Variants in PCDHGA1 observed in about 807,000 individuals in gnomAD.
PCDHGA1 encodes protocadherin gamma subfamily A, 1.
Under a neutral mutation model 58.0 loss-of-function variants are expected in PCDHGA1, and 32 were observed. That is an observed-to-expected ratio of 0.55 (90% CI 0.42 to 0.74). The LOEUF is 0.74. Ranked by LOEUF, PCDHGA1 falls within the 30% of genes least tolerant of loss-of-function variation. PCDHGA1 has a pLI of 0.00. For missense variants in PCDHGA1, 1,205 were observed against 1,182.3 expected (o/e 1.02, Z -0.28); for synonymous variants, 498 against 501.1 (o/e 0.99, Z 0.08).
intron 1 of PCDHGA1, chr5:141,389,880 T>C: frequency 6.2e-7 from 1 of 1,614,080 alleles, no homozygotes; most frequent in Non-Finnish European, 8.5e-7. Flanking sequence ...CGCCGACAGC[T>C]TGCAGGAGGT....
At chr5:141,398,797 G>A (rs1338071296) in intron 1 of PCDHGA1, 2 of 1,613,898 alleles carry the variant, frequency 1.2e-6, no homozygotes, top group South Asian at 1.1e-5. Flanking sequence ...ACCCCTAAGC[G>A]GCACCACTGA....
Position 141,331,135 on chromosome 5 carries a change from A to G in PCDHGA1, c.451A>G (p.Arg151Gly), listed in dbSNP as rs951681369. 1 of 1,614,210 alleles carries G rather than the reference A, an allele frequency of 6.2e-7. No homozygotes were observed. Among genetic ancestry groups the G allele is most frequent in the East Asian group, 2.2e-5 (1 of 44,888 alleles). Reference protein sequence around the residue: ...KMNEITTPGTRVSLPFGQDLD... With the variant: ...KMNEITTPGTGVSLPFGQDLD... ...GAATGAAATAACGACTCCAGGTACC[A>G]GAGTCTCATTGCCTTTTGGGCAAGA... The change falls in exon 1 of 4, where the codon AGA becomes GGA. Residue 151 changes from arginine to glycine, a missense_variant. Transcript: ENST00000517417.
chr5:141,413,180 C>CCGCTCAAAGGAAT (rs760676891), intron 1 of PCDHGA1: 75 of 1,602,494 alleles, frequency 4.7e-5, no homozygotes, highest in Non-Finnish European at 6.1e-5. Flanking sequence ...ACTACAATGG[C>CCGCTCAAAGGAAT]CGCTCAAAGG....
chr5:141,372,316 G>T, intron 1 of PCDHGA1: 1 of 1,613,524 alleles, frequency 6.2e-7, no homozygotes, highest in East Asian at 2.2e-5. Flanking sequence ...GCCCGCCAGC[G>T]CCTGCTGGTC....
intron 1 of PCDHGA1, chr5:141,362,221 T>C: frequency 1.2e-6 from 2 of 1,614,044 alleles, no homozygotes; most frequent in Non-Finnish European, 1.7e-6. Context: ...GGTTGTGGCC[T>C]TGGCCTTGAT....
At chr5:141,361,264 G>A (rs761311465) in intron 1 of PCDHGA1, 1 of 1,613,878 alleles carries the variant, frequency 6.2e-7, no homozygotes, top group African/African-American at 1.3e-5. Context: ...CAGAGACTCT[G>A]GAGAAAATGG....
Position 141,485,752 on chromosome 5 carries a change from G to A in PCDHGA1, c.2422-9055G>A. 1 of 1,614,232 alleles carries A rather than the reference G, an allele frequency of 6.2e-7. No individual in the cohort carries two copies. Among genetic ancestry groups the A allele is most frequent in the Middle Eastern group, 1.6e-4 (1 of 6,062 alleles). ...GCAGCGACGGCAGCCTGGTCCCAGA[G>A]CTGCTCCTGGAGAAGCCTTTGGATC... On this transcript the variant is annotated intron_variant, in intron 1 of 3. Coordinates refer to ENST00000517417, the MANE Select transcript of PCDHGA1 (RefSeq NM_018912.3). This position sits in a 1 kb window ranked among gnomAD's most constrained non-coding sequence, Gnocchi z 5.7.
chr5:141,452,459 C>T (rs545368648), intron 1 of PCDHGA1, among the ~76,000 whole-genome samples: 38 of 152,246 alleles, frequency 2.5e-4, no homozygotes, highest in Middle Eastern at 6.8e-3. Context: ...TGTCAGCAGA[C>T]GGAGCTAGGA....
intron 1 of PCDHGA1, chr5:141,346,019 G>A (rs1015633914): frequency 5.6e-6 from 9 of 1,613,346 alleles, no homozygotes; most frequent in Non-Finnish European, 7.6e-6. Context: ...CGCTCACCGT[G>A]GCCGTGGCCG....
chr5:141,348,025 T>C (rs896996512), intron 1 of PCDHGA1, among the ~76,000 whole-genome samples: 4 of 152,230 alleles, frequency 2.6e-5, no homozygotes, highest in Non-Finnish European at 5.9e-5. Context: ...CCAGACAATC[T>C]CTTCCAACAA....
rs770154641 is a variant in PCDHGA1, at chr5:141,372,296, C to T, written c.2421+39191C>T. ...TGCGCACGGCGCGTACCTTGGGCGA[C>T]AGGGAGGCCGCCCGCCAGCGCCTGC... On this transcript the variant is annotated intron_variant, in intron 1 of 3. Coordinates refer to ENST00000517417, the MANE Select transcript of PCDHGA1 (RefSeq NM_018912.3). 5 of 1,613,184 alleles carry T rather than the reference C, an allele frequency of 3.1e-6. No individual in the cohort carries two copies. The African/African-American group carries it at 5.3e-5, about 17-fold the overall frequency.
At chr5:141,341,478 C>G in intron 1 of PCDHGA1, 1 of 1,580,856 alleles carries the variant, frequency 6.3e-7, no homozygotes, top group Non-Finnish European at 8.6e-7. Context: ...ATTTTGTTCC[C>G]CATATTTCCT....
intron 1 of PCDHGA1, chr5:141,478,647 T>G (rs2099469515): frequency 6.4e-7 from 1 of 1,552,152 alleles, no homozygotes; most frequent in Non-Finnish European, 8.7e-7. Flanking sequence ...GAAGATGTTT[T>G]CCTGGTGATG....
At chr5:141,346,030 A>G (rs759448742) in intron 1 of PCDHGA1, 1 of 1,612,640 alleles carries the variant, frequency 6.2e-7, no homozygotes, top group Non-Finnish European at 8.5e-7. Context: ...GCCGTGGCCG[A>G]CAGGATCCCC....
chr5:141,366,145 CT>C, intron 1 of PCDHGA1: 1 of 1,614,192 alleles, frequency 6.2e-7, no homozygotes, highest in East Asian at 2.2e-5. Flanking sequence ...CCTGGCTGTC[CT>C]ACCGCCTGCT....
intron 1 of PCDHGA1, chr5:141,396,593 C>T (rs940440050): frequency 6.0e-5 from 9 of 151,044 alleles, no homozygotes; most frequent in Non-Finnish European, 1.2e-4. Flanking sequence ...GCACTCCAGC[C>T]TGGGCAACAG....
intron 1 of PCDHGA1, chr5:141,382,788 ATCCT>A: frequency 1.1e-6 from 1 of 917,668 alleles, no homozygotes; most frequent in Non-Finnish European, 1.7e-6. Flanking sequence ...TCAAGCCTCT[ATCCT>A]GCTGGATTCT....
At position 141,443,088 on chromosome 5, in the gene PCDHGA1, T is replaced by C. The variant is rs188899890; in HGVS notation, c.2422-51719T>C. On this transcript the variant is annotated intron_variant, in intron 1 of 3. Transcript: ENST00000517417. ...CGTCTTATGACTGAGTGTTCCAGTC[T>C]CCTTCTCAAGCTGAACCTTGCTTTT... is the stretch of plus-strand genomic sequence containing the variant. 2.9e-3 allele frequency among the ~76,000 whole-genome samples: 446 copies of C among 152,092 alleles called. 1 individual carries two copies. Among genetic ancestry groups the C allele is most frequent in the Middle Eastern group, 0.014 (4 of 294 alleles).
intron 1 of PCDHGA1, chr5:141,404,086 G>A: frequency 6.2e-7 from 1 of 1,613,630 alleles, no homozygotes; most frequent in Non-Finnish European, 8.5e-7. Flanking sequence ...ACTCCGGGAA[G>A]AATGGTCAAG....
Sources: gnomAD v4.1 joint callset for allele counts (sites outside exome capture counted in the v4.1 genomes callset) on GRCh38, gnomAD v4.1.1 for gene constraint, Gnocchi (gnomAD v3.1) non-coding constraint, MANE v1.5 for transcripts, NCBI Gene and HGNC (gene_info 2026-07-23, HGNC 2026-07-21) for gene names.